Variants in PTPRU observed in about 807,000 individuals in gnomAD.
The protein encoded by PTPRU is protein tyrosine phosphatase receptor type U.
Under a neutral mutation model 166.3 loss-of-function variants are expected in PTPRU, and 69 were observed. That is an observed-to-expected ratio of 0.41 (90% confidence interval 0.34 to 0.51). PTPRU has a LOEUF of 0.51. PTPRU is among the 20% of genes least tolerant of loss of function. The pLI is 0.09. For missense variants in PTPRU, 1,657 were observed against 2,013.7 expected (o/e 0.82, Z 3.39); for synonymous variants, 793 against 814.0 (o/e 0.97, Z 0.44).
chr1:29,278,237 C>T (rs34330061), intron 8 of PTPRU, among the ~76,000 whole-genome samples: 18,337 of 152,124 alleles, frequency 0.12, 2,304 homozygotes, highest in East Asian at 0.66. Context: ...GTCTTGCTGC[C>T]GCACGTGCAC....
chr1:29,282,056 C>T (rs1009862506), intron 11 of PTPRU, among the ~76,000 whole-genome samples: 2 of 152,206 alleles, frequency 1.3e-5, no homozygotes, highest in Non-Finnish European at 2.9e-5. Context: ...ATTTGCTGAT[C>T]AGAGGCTGCC....
At chr1:29,259,803 G>A (rs901513184) in intron 5 of PTPRU, 67 bp from the exon 6 acceptor site, 65 of 1,452,140 alleles carry the variant, frequency 4.5e-5, no homozygotes, top group South Asian at 9.4e-5. Context: ...AATGGGGCCC[G>A]GGTCAGAGCG....
chr1:29,322,564 G>A (rs2151971769), intron 26 of PTPRU, among the ~76,000 whole-genome samples: 1 of 152,274 alleles, frequency 6.6e-6, no homozygotes, highest in South Asian at 2.1e-4. Flanking sequence ...GCACAGGGTT[G>A]CCAGGACCTG....
chr1:29,247,925 C>T (rs1684371635), intron 1 of PTPRU, among the ~76,000 whole-genome samples: 1 of 152,198 alleles, frequency 6.6e-6, no homozygotes, highest in African/African-American at 2.4e-5. Flanking sequence ...TTTCTGGTTG[C>T]AGCTATGGTG....
At chr1:29,253,424 T>C (rs1684640732) in intron 1 of PTPRU, among the ~76,000 whole-genome samples, 1 of 152,068 alleles carries the variant, frequency 6.6e-6, no homozygotes, top group Admixed American at 6.6e-5. Flanking sequence ...TGACCCATGA[T>C]TAGATTAGAG....
intron 26 of PTPRU, among the ~76,000 whole-genome samples, chr1:29,321,105 T>C (rs1223020968): frequency 6.6e-6 from 1 of 152,008 alleles, no homozygotes; most frequent in African/African-American, 2.4e-5. Context: ...CTCACTAAGT[T>C]GTGCAGCCTC....
rs200795871 is a variant in PTPRU at position 29,289,641 on chromosome 1, C to T, written c.2319-2228C>T. On this transcript the variant is annotated intron_variant, in intron 14 of 29. Transcript: ENST00000373779. ...CCTCAGCCCGGCCTTGGTGGACGGA[C>T]CTCGGACACAACTGTGCTGTTCTCT... 1.4e-3 allele frequency: 2,285 copies of T among 1,613,420 alleles called. 13 individuals are homozygous for T. Among genetic ancestry groups the T allele is most frequent in the Middle Eastern group, 0.01 (61 of 6,056 alleles).
rs185544489 is a variant in PTPRU, at chr1:29,280,868, T to A, written c.1868+727T>A. Among the ~76,000 whole-genome samples the A allele has an allele frequency of 5.6e-4, 86 of 152,268 alleles. No homozygotes were observed. The highest frequency in any genetic ancestry group is 1.0e-3 in the Non-Finnish European group (69 of 68,016). On this transcript the variant is annotated intron_variant, in intron 11 of 29. Coordinates refer to ENST00000373779, the MANE Select transcript of PTPRU (RefSeq NM_133178.4). This position sits in a 1 kb window ranked among gnomAD's most constrained non-coding sequence, Gnocchi z 4.2. Reference sequence around the variant, plus strand: ...AGGGGCTTTATCTGCATGAAGCCATTTATCCTCATGGCAGCCCTGTGGCAT... The same window carrying A: ...AGGGGCTTTATCTGCATGAAGCCATATATCCTCATGGCAGCCCTGTGGCAT...
intron 15 of PTPRU, among the ~76,000 whole-genome samples, chr1:29,299,232 A>G (rs1440901404): frequency 6.6e-6 from 1 of 152,226 alleles, no homozygotes; most frequent in Non-Finnish European, 1.5e-5. Flanking sequence ...CCCTCCCCAT[A>G]AAGCATCAGC....
chr1:29,274,895 C>T (rs988538773), intron 7 of PTPRU, among the ~76,000 whole-genome samples: 1 of 151,778 alleles, frequency 6.6e-6, no homozygotes, highest in Non-Finnish European at 1.5e-5. Flanking sequence ...ACCAAAAATA[C>T]AAAAATTAGC....
rs780836731 is a variant in PTPRU, at chr1:29,279,014, C to G, written c.1456C>G (p.Pro486Ala). 6.3e-7 allele frequency: 1 copy of G among 1,579,238 alleles called. No individual in the cohort carries two copies. The highest frequency in any genetic ancestry group is 1.2e-5 in the South Asian group (1 of 86,126). ...EVTFQTDEDV[P>A]SGIAAESLTF... ...CCCCTGCTGCCTTTCCCTTGCAGTG[C>G]CCAGTGGGATTGCAGCCGAGTCCCT... The change falls in exon 9 of 30, where the codon CCC (proline) becomes GCC (alanine). Residue 486 changes from proline to alanine, a missense_variant and splice_region_variant. Pro to Ala is a conservative substitution (Grantham distance 27, BLOSUM62 -1). Coordinates refer to ENST00000373779, the MANE Select transcript of PTPRU (RefSeq NM_133178.4). The surrounding 1 kb of genome is among the most constrained non-coding windows in gnomAD (Gnocchi z 5.2).
intron 1 of PTPRU, among the ~76,000 whole-genome samples, chr1:29,249,327 C>T (rs1684442944): frequency 6.6e-6 from 1 of 152,268 alleles, no homozygotes; most frequent in Admixed American, 6.5e-5. Flanking sequence ...TGTGGCTAAA[C>T]CATCCCCCTG....
intron 14 of PTPRU, chr1:29,289,824 C>T (rs963269765): frequency 2.4e-6 from 3 of 1,248,326 alleles, no homozygotes; most frequent in African/African-American, 3.0e-5. Flanking sequence ...GGCCTGGTGT[C>T]CACCCGGTTC....
intron 15 of PTPRU, among the ~76,000 whole-genome samples, chr1:29,301,921 T>C (rs1464838450): frequency 1.3e-5 from 2 of 152,220 alleles, no homozygotes; most frequent in Non-Finnish European, 2.9e-5. Context: ...ACTCATCCTT[T>C]TTTATGGCTG....
rs886651105 is a variant in PTPRU at position 29,325,825 on chromosome 1, G to A, written c.*164G>A. ...TGCTCCCCCTTCCACTGTGGGCAGG[G>A]CCTTTCGCTTGTCCCATGGGCGGGT... is the stretch of plus-strand genomic sequence containing the variant. On this transcript the variant is annotated 3_prime_UTR_variant, in exon 30 of 30. Coordinates refer to ENST00000373779, the MANE Select transcript of PTPRU (RefSeq NM_133178.4). 2.5e-5 allele frequency: 20 copies of A among 785,384 alleles called. No homozygotes were observed. In the African/African-American group the frequency reaches 3.2e-4, roughly 13 times the overall value. 48.7% of individuals were successfully genotyped at this position (785,384 alleles called of 1,614,324 possible).
At chr1:29,264,320 AT>A (rs911353321) in intron 7 of PTPRU, among the ~76,000 whole-genome samples, 13 of 151,008 alleles carry the variant, frequency 8.6e-5, no homozygotes, top group Non-Finnish European at 1.8e-4. Flanking sequence ...CAATTTATCT[AT>A]TTTTTTCTTT....
chr1:29,292,084 A>G, intron 15 of PTPRU, 58 bp downstream of exon 15: 2 of 1,593,152 alleles, frequency 1.3e-6, no homozygotes, highest in South Asian at 2.2e-5. Context: ...AACCTGAGAC[A>G]ATAGGGTCCC....
Position 29,323,475 on chromosome 1 carries a change from C to G in PTPRU, c.3933C>G (p.Phe1311Leu). ...TADEDLVARV[F>L]RVQNISRLQE... is the part of the protein sequence containing the mutation. ...ATGAAGACTTAGTGGCTCGAGTCTTCCGGGTGCAGAACATCTCTCGGGTGA... is the reference window on the plus strand; with the variant it reads ...ATGAAGACTTAGTGGCTCGAGTCTTGCGGGTGCAGAACATCTCTCGGGTGA... Residue 1311 changes from phenylalanine to leucine, a missense_variant, in exon 27 of 30, where the codon TTC (phenylalanine) becomes TTG (leucine). This residue lies in a region of PTPRU where 1,190 missense variants were observed against 1,477.4 expected (regional missense o/e 0.81). Transcript: ENST00000373779. 1 of 1,605,894 alleles carries G rather than the reference C, an allele frequency of 6.2e-7. No individual in the cohort carries two copies. The highest frequency in any genetic ancestry group is 8.5e-7 in the Non-Finnish European group (1 of 1,176,420).
chr1:29,307,124 T>C (rs1281439247), intron 18 of PTPRU: 9 of 1,613,358 alleles, frequency 5.6e-6, no homozygotes, highest in Non-Finnish European at 7.6e-6. Context: ...ACTGGAATCA[T>C]TAAGATTCGG....
Sources: allele counts gnomAD v4.1 joint callset (sites outside exome capture counted in the v4.1 genomes callset), GRCh38; gene constraint gnomAD v4.1.1; regional missense constraint gnomAD v4.1.1; non-coding constraint Gnocchi (gnomAD v3.1); transcripts MANE v1.5; gene names NCBI Gene and HGNC (gene_info 2026-07-23, HGNC 2026-07-21).